Variants in EPHA7 observed in about 807,000 individuals in gnomAD.
EPHA7 encodes EPH receptor A7.
EPHA7 carries 25 observed loss-of-function variants against 112.6 expected under a neutral mutation model. The observed-to-expected ratio is 0.22, with a 90% CI of 0.16 to 0.31. The LOEUF (loss-of-function observed/expected upper bound fraction) is 0.31. EPHA7 is among the 10% of genes least tolerant of loss of function. The probability of loss-of-function intolerance (pLI) is 1.00; values close to 1 mark genes in which losing one functional copy is unlikely to be tolerated. For synonymous variants in EPHA7, 437 were observed against 406.5 expected (o/e 1.07, Z -0.90); for missense variants, 962 against 1,212.6 (o/e 0.79, Z 3.07).
chr6:93,309,769 A>G (rs1773438251), intron 5 of EPHA7, among the ~76,000 whole-genome samples: 1 of 152,208 alleles, frequency 6.6e-6, no homozygotes. Flanking sequence ...ATTCACAGAG[A>G]CTAGCAAGTA....
At chr6:93,328,559 A>G (rs1483083840) in intron 5 of EPHA7, among the ~76,000 whole-genome samples, 1 of 151,482 alleles carries the variant, frequency 6.6e-6, no homozygotes, top group Non-Finnish European at 1.5e-5. Context: ...ATCATAAGTC[A>G]TACTTTAATC....
intron 5 of EPHA7, among the ~76,000 whole-genome samples, chr6:93,317,702 C>T (rs1015328167): frequency 2.0e-5 from 3 of 152,048 alleles, no homozygotes; most frequent in Non-Finnish European, 4.4e-5. Flanking sequence ...AAGTTGTATC[C>T]TCCCTCCATA....
rs557917881 is a variant in EPHA7, at chr6:93,405,736, G to A, written c.832+4765C>T. ...ACCAGCATTTTGAAACTGTGACTCC[G>A]GCATCTGAGCTACTAACCCACTGGT... On this transcript the variant is annotated intron_variant, in intron 3 of 16. Transcript: ENST00000369303. Among the ~76,000 whole-genome samples, 11 of 147,406 alleles carry A rather than the reference G, an allele frequency of 7.5e-5. No individual in the cohort carries two copies. The East Asian group carries it at 2.0e-3, about 27-fold the overall frequency.
intron 3 of EPHA7, among the ~76,000 whole-genome samples, chr6:93,361,150 CATTAAATAGATAA>C (rs1776241624): frequency 2.0e-5 from 3 of 151,952 alleles, no homozygotes; most frequent in Admixed American, 6.6e-5. Flanking sequence ...GTATGACTAT[CATTAAATAGATAA>C]AGGCAATACC....
chr6:93,260,323 T>G (rs964125183), intron 9 of EPHA7: 1 of 182,820 alleles, frequency 5.5e-6, no homozygotes, highest in Non-Finnish European at 1.0e-5. Flanking sequence ...CTTCTTAAAA[T>G]GCACCCAGAA....
intron 5 of EPHA7, among the ~76,000 whole-genome samples, chr6:93,330,869 G>T (rs755163788): frequency 6.6e-6 from 1 of 151,246 alleles, no homozygotes; most frequent in Non-Finnish European, 1.5e-5. Context: ...GTTACCTTGG[G>T]TATCAGCTGA....
intron 5 of EPHA7, among the ~76,000 whole-genome samples, chr6:93,348,853 G>A (rs1363279791): frequency 6.7e-6 from 1 of 149,228 alleles, no homozygotes; most frequent in Non-Finnish European, 1.5e-5. Context: ...ATATGTTGAT[G>A]GGGCTAGAGA....
intron 3 of EPHA7, among the ~76,000 whole-genome samples, chr6:93,360,163 A>C (rs1246755553): frequency 6.6e-6 from 1 of 152,154 alleles, no homozygotes; most frequent in African/African-American, 2.4e-5. Flanking sequence ...ACATAACAAA[A>C]ATATACAACC....
chr6:93,263,415 G>T (rs1016388088), intron 9 of EPHA7, among the ~76,000 whole-genome samples: 1 of 151,270 alleles, frequency 6.6e-6, no homozygotes, highest in Non-Finnish European at 1.5e-5. Flanking sequence ...ATCTATCAAT[G>T]ATAGGTAATT....
chr6:93,409,615 A>C (rs1378523854), intron 3 of EPHA7: 2 of 151,924 alleles, frequency 1.3e-5, no homozygotes, highest in South Asian at 4.1e-4. Context: ...TGTTATTTTT[A>C]ATGTATTATG....
At chr6:93,329,050 ATAAC>A (rs1194460416) in intron 5 of EPHA7, among the ~76,000 whole-genome samples, 4 of 151,418 alleles carry the variant, frequency 2.6e-5, no homozygotes, top group Admixed American at 1.3e-4. Flanking sequence ...ATACACACAA[ATAAC>A]TAACTCTTCA....
intron 5 of EPHA7, among the ~76,000 whole-genome samples, chr6:93,319,446 C>T (rs1021086199): frequency 6.6e-6 from 1 of 151,994 alleles, no homozygotes; most frequent in African/African-American, 2.4e-5. Flanking sequence ...GACTAGCATG[C>T]CTGGAATACA....
chr6:93,413,845 C>T (rs1030568113), intron 2 of EPHA7, among the ~76,000 whole-genome samples: 3 of 151,788 alleles, frequency 2.0e-5, no homozygotes, highest in African/African-American at 7.2e-5. Context: ...GCAAAATATG[C>T]TACAGTTTTT....
At chr6:93,291,744 G>A (rs1231092661) in intron 5 of EPHA7, among the ~76,000 whole-genome samples, 3 of 126,128 alleles carry the variant, frequency 2.4e-5, no homozygotes, top group Non-Finnish European at 4.8e-5. Flanking sequence ...CTCCAGCCTG[G>A]GCGACAGAGC....
chr6:93,255,680 CA>C (rs988623625), intron 13 of EPHA7, 147 bp downstream of exon 13: 1 of 547,672 alleles, frequency 1.8e-6, no homozygotes, highest in South Asian at 2.4e-5. Context: ...TCCAGAAAAA[CA>C]AAAAACAAAA....
rs1379736355 is a variant in EPHA7 at position 93,361,327 on chromosome 6, A to G, written c.833-2916T>C. 5.9e-5 allele frequency among the ~76,000 whole-genome samples: 9 copies of G among 152,054 alleles called. No homozygotes were observed. In the East Asian group the frequency reaches 1.5e-3, roughly 26 times the overall value. ...TTTAGAGTTATTAAAAGTAAGTACAAAAGCGCTGGAGCAATGGTGTTGAGA... is the reference window on the plus strand; with the variant it reads ...TTTAGAGTTATTAAAAGTAAGTACAGAAGCGCTGGAGCAATGGTGTTGAGA... On this transcript the variant is annotated intron_variant, in intron 3 of 16. Coordinates refer to ENST00000369303, the MANE Select transcript of EPHA7 (RefSeq NM_004440.4).
At chr6:93,409,259 T>A (rs1430203509) in intron 3 of EPHA7, among the ~76,000 whole-genome samples, 1 of 152,110 alleles carries the variant, frequency 6.6e-6, no homozygotes, top group Admixed American at 6.6e-5. Context: ...TTCTCCTTGC[T>A]TTGTGATTAA....
intron 5 of EPHA7, among the ~76,000 whole-genome samples, chr6:93,302,062 C>T (rs532476277): frequency 6.6e-5 from 10 of 152,234 alleles, no homozygotes; most frequent in South Asian, 6.2e-4. Flanking sequence ...CCACCCTTAC[C>T]GTCACTGGGC....
In EPHA7 at chr6:93,378,529, T is replaced by C. The variant is rs980051647; in HGVS notation, c.833-20118A>G. Among the ~76,000 whole-genome samples the C allele has an allele frequency of 4.6e-5, 7 of 152,156 alleles. No individual in the cohort carries two copies. The South Asian group carries it at 8.3e-4, about 18-fold the overall frequency. On this transcript the variant is annotated intron_variant, in intron 3 of 16. Transcript: ENST00000369303. ...TTTGAGAAGGGAAATCAAGAGATGT[T>C]TAACATATTCCCTAGTCTCTACTCT...
Sources: allele counts gnomAD v4.1 joint callset (sites outside exome capture counted in the v4.1 genomes callset), GRCh38; gene constraint gnomAD v4.1.1; transcripts MANE v1.5; gene names NCBI Gene and HGNC (gene_info 2026-07-23, HGNC 2026-07-21).